Variants in CEP63 observed in about 807,000 individuals in gnomAD.
CEP63 encodes the protein centrosomal protein 63.
In CEP63, 84 loss-of-function variants were observed where a neutral mutation model predicts 89.1. The observed-to-expected ratio is 0.94, with a 90% CI of 0.79 to 1.13. CEP63 has a LOEUF of 1.13. Among genes scored for constraint, CEP63 ranks in the 50% most tolerant of loss-of-function variants. The pLI is 0.00. For missense variants in CEP63, 838 were observed against 813.3 expected (o/e 1.03, Z -0.37); for synonymous variants, 267 against 272.5 (o/e 0.98, Z 0.20).
the CEP63 span, among the ~76,000 whole-genome samples, chr3:134,600,054 C>T: frequency 1.3e-5 from 2 of 152,280 alleles, no homozygotes; most frequent in Non-Finnish European, 2.9e-5. Flanking sequence ...TTTCAATTGC[C>T]GACTACTTAC....
At chr3:134,580,040 C>T (rs1958307070) in intron 10 of CEP63, among the ~76,000 whole-genome samples, 2 of 151,986 alleles carry the variant, frequency 1.3e-5, no homozygotes. Context: ...TACAAAAATA[C>T]AAAAATTAGC....
At chr3:134,710,911 G>A in the CEP63 span, among the ~76,000 whole-genome samples, 12 of 151,716 alleles carry the variant, frequency 7.9e-5, no homozygotes, top group Non-Finnish European at 1.0e-4. Flanking sequence ...TAGTAGAGAC[G>A]GGGTTTCACC....
chr3:134,708,660 A>G, the CEP63 span, among the ~76,000 whole-genome samples: 23 of 152,304 alleles, frequency 1.5e-4, 1 homozygote, highest in Middle Eastern at 3.4e-3. Flanking sequence ...TATCCTTTGA[A>G]ATTTCAGGGC....
the CEP63 span, among the ~76,000 whole-genome samples, chr3:134,708,722 G>T: frequency 2.0e-5 from 3 of 152,154 alleles, no homozygotes; most frequent in Non-Finnish European, 4.4e-5. Context: ...ATGCCTTCCT[G>T]CCCCCTTTTG....
At chr3:134,644,712 G>A in the CEP63 span, among the ~76,000 whole-genome samples, 1 of 152,242 alleles carries the variant, frequency 6.6e-6, no homozygotes, top group Non-Finnish European at 1.5e-5. Flanking sequence ...CCGCTCAGTG[G>A]TTCCCGTGCC....
At chr3:134,712,418 A>G in the CEP63 span, among the ~76,000 whole-genome samples, 74 of 152,196 alleles carry the variant, frequency 4.9e-4, no homozygotes, top group Middle Eastern at 0.014. Context: ...ACCTCTTGGG[A>G]ATATTTCTCA....
chr3:134,516,169 GAGA>G (rs1946163252), intron 3 of CEP63, among the ~76,000 whole-genome samples: 1 of 152,178 alleles, frequency 6.6e-6, no homozygotes, highest in Admixed American at 6.5e-5. Context: ...TAATAGTGGA[GAGA>G]AGGTCAGCAG....
chr3:134,647,478 A>C, the CEP63 span: 6 of 1,611,784 alleles, frequency 3.7e-6, no homozygotes, highest in Non-Finnish European at 5.1e-6. Context: ...TTCGGACTCC[A>C]TTTCCAACAC....
chr3:134,539,554 T>A (rs1420717075), intron 6 of CEP63, among the ~76,000 whole-genome samples: 1 of 152,182 alleles, frequency 6.6e-6, no homozygotes, highest in African/African-American at 2.4e-5. Context: ...CAGAAAACTA[T>A]CTTTTTACAA....
chr3:134,617,508 A>T, the CEP63 span, among the ~76,000 whole-genome samples: 1 of 152,232 alleles, frequency 6.6e-6, no homozygotes, highest in South Asian at 2.1e-4. Flanking sequence ...AACCGAGCAC[A>T]GGTAATTCCT....
the CEP63 span, among the ~76,000 whole-genome samples, chr3:134,682,412 A>G: frequency 6.6e-6 from 1 of 152,198 alleles, no homozygotes; most frequent in Non-Finnish European, 1.5e-5. Flanking sequence ...TAGACATCCT[A>G]GTTCCTAGGG....
the CEP63 span, among the ~76,000 whole-genome samples, chr3:134,701,444 A>ATATACACACACATATACG: frequency 2.1e-5 from 3 of 144,696 alleles, no homozygotes; most frequent in African/African-American, 5.1e-5. Context: ...GTATATATAC[A>ATATACACACACATATACG]TATATATGTG....
chr3:134,508,058 C>T (rs1432866549), intron 3 of CEP63, among the ~76,000 whole-genome samples: 4 of 152,172 alleles, frequency 2.6e-5, no homozygotes, highest in Admixed American at 6.5e-5. Context: ...GGTCACCATT[C>T]ATTAAGGCTG....
At chr3:134,516,048 G>A (rs1316592858) in intron 3 of CEP63, among the ~76,000 whole-genome samples, 1 of 152,150 alleles carries the variant, frequency 6.6e-6, no homozygotes, top group Non-Finnish European at 1.5e-5. Flanking sequence ...AGGGGGCCCA[G>A]GGGACCGGCG....
Position 134,531,838 on chromosome 3 carries a change from C to G in CEP63, c.223-7C>G. 6.2e-7 allele frequency: 1 copy of G among 1,606,974 alleles called. No individual in the cohort carries two copies. Among genetic ancestry groups the G allele is most frequent in the East Asian group, 2.2e-5 (1 of 44,712 alleles). ...AGTGAAAAATACTACCACCTTTCTG[C>G]TTTTAGGTTGGAATGTTGCATCAGC... is the stretch of plus-strand genomic sequence containing the variant. On this transcript the variant is annotated splice_polypyrimidine_tract_variant and splice_region_variant and intron_variant, in intron 3 of 14. Coordinates refer to ENST00000675561, the MANE Select transcript of CEP63 (RefSeq NM_001353108.3).
chr3:134,540,782 T>A (rs545487590), intron 6 of CEP63, among the ~76,000 whole-genome samples: 16 of 150,834 alleles, frequency 1.1e-4, no homozygotes, highest in African/African-American at 2.9e-4. Flanking sequence ...TTTTTTTTTT[T>A]AAATCTTAAT....
the CEP63 span, among the ~76,000 whole-genome samples, chr3:134,726,489 C>T: frequency 6.6e-6 from 1 of 151,514 alleles, no homozygotes; most frequent in African/African-American, 2.4e-5. Flanking sequence ...CACACACACA[C>T]ACACACACAC....
chr3:134,706,736 A>G, the CEP63 span, among the ~76,000 whole-genome samples: 1 of 152,316 alleles, frequency 6.6e-6, no homozygotes, highest in East Asian at 1.9e-4. Flanking sequence ...TGAAATCAAG[A>G]TATTGGCAGG....
the CEP63 span, among the ~76,000 whole-genome samples, chr3:134,750,030 C>G: frequency 2.6e-5 from 4 of 152,348 alleles, no homozygotes; most frequent in South Asian, 4.1e-4. Flanking sequence ...CGCTAGTAAG[C>G]AAAGGCTCCC....
Sources: gnomAD v4.1 joint callset for allele counts (sites outside exome capture counted in the v4.1 genomes callset) on GRCh38, gnomAD v4.1.1 for gene constraint, MANE v1.5 for transcripts, NCBI Gene and HGNC (gene_info 2026-07-23, HGNC 2026-07-21) for gene names.